Variants in MGAT4C observed in about 807,000 individuals in gnomAD.
The protein encoded by MGAT4C is MGAT4 family member C.
A neutral mutation model predicts 40.1 loss-of-function variants in MGAT4C; 19 were observed. That is an observed-to-expected ratio of 0.47 (90% CI 0.33 to 0.70). MGAT4C has a LOEUF of 0.70. Ranked by LOEUF, MGAT4C falls within the 30% of genes least tolerant of loss-of-function variation. MGAT4C has a pLI of 0.02. For synonymous variants in MGAT4C, 181 were observed against 187.1 expected (o/e 0.97, Z 0.27); for missense variants, 491 against 563.2 (o/e 0.87, Z 1.30).
rs1032216999 is a variant in MGAT4C, at chr12:86,815,671, T to A, written c.-262+22995A>T. Among the ~76,000 whole-genome samples, 8 of 151,474 alleles carry A rather than the reference T, an allele frequency of 5.3e-5. No individual in the cohort carries two copies. In the Admixed American group the frequency reaches 5.3e-4, roughly 10 times the overall value. Reference sequence around the variant, plus strand: ...ATTTATATTATATGATAGAATACTATGCAGCCATAAAAAGGAATGAATTAA... The same window carrying A: ...ATTTATATTATATGATAGAATACTAAGCAGCCATAAAAAGGAATGAATTAA... On this transcript the variant is annotated intron_variant, in intron 1 of 7. Coordinates refer to the MGAT4C transcript ENST00000548651.
intron 1 of MGAT4C, among the ~76,000 whole-genome samples, chr12:86,764,426 C>A (rs558510721): frequency 6.6e-6 from 1 of 152,096 alleles, no homozygotes; most frequent in South Asian, 2.1e-4. Context: ...GGCTCCACCT[C>A]TGGGGGCAGG....
intron 2 of MGAT4C, among the ~76,000 whole-genome samples, chr12:86,718,237 T>C (rs1423154026): frequency 1.3e-5 from 2 of 152,208 alleles, no homozygotes; most frequent in Non-Finnish European, 2.9e-5. Context: ...TATGTTTTTT[T>C]CTAAACAAAC....
At chr12:86,099,643 TA>T (rs764205569) in intron 1 of MGAT4C, among the ~76,000 whole-genome samples, 38 of 151,530 alleles carry the variant, frequency 2.5e-4, no homozygotes, top group Non-Finnish European at 3.9e-4. Flanking sequence ...TTTCTTTTCT[TA>T]AAGTAAGAAA....
chr12:86,302,584 G>C (rs78631810), intron 4 of MGAT4C, among the ~76,000 whole-genome samples: 1 of 149,914 alleles, frequency 6.7e-6, no homozygotes, highest in Admixed American at 6.6e-5. Context: ...ATACGCCAAC[G>C]TGCCCCACTA....
intron 1 of MGAT4C, among the ~76,000 whole-genome samples, chr12:86,785,775 T>C (rs1951920657): frequency 6.6e-6 from 1 of 151,350 alleles, no homozygotes; most frequent in Non-Finnish European, 1.5e-5. Context: ...TATATGTGTA[T>C]ATGTATAATA....
chr12:86,505,062 T>A (rs1163556502), intron 2 of MGAT4C, among the ~76,000 whole-genome samples: 1 of 152,186 alleles, frequency 6.6e-6, no homozygotes, highest in Non-Finnish European at 1.5e-5. Flanking sequence ...TTCCTTAGCA[T>A]CACTGTGGTT....
intron 1 of MGAT4C, among the ~76,000 whole-genome samples, chr12:86,159,566 C>T (rs1458869373): frequency 1.3e-5 from 2 of 151,810 alleles, no homozygotes; most frequent in African/African-American, 4.8e-5. Flanking sequence ...AGCCCCTCCT[C>T]CTCAACTTTT....
chr12:86,689,740 G>A (rs1287155479), intron 2 of MGAT4C, among the ~76,000 whole-genome samples: 1 of 152,126 alleles, frequency 6.6e-6, no homozygotes, highest in Non-Finnish European at 1.5e-5. Context: ...CCTGTAGGAG[G>A]TGTCTGTCGA....
intron 2 of MGAT4C, among the ~76,000 whole-genome samples, chr12:86,463,771 TCTTC>T (rs1353829650): frequency 6.6e-6 from 1 of 152,224 alleles, no homozygotes; most frequent in African/African-American, 2.4e-5. Context: ...TCTAATATAA[TCTTC>T]CTCTTATATT....
chr12:86,438,053 G>A (rs978497879), intron 2 of MGAT4C, among the ~76,000 whole-genome samples: 1 of 151,902 alleles, frequency 6.6e-6, no homozygotes, highest in African/African-American at 2.4e-5. Context: ...TAGTGAGGAA[G>A]GCATGTCAAA....
intron 1 of MGAT4C, among the ~76,000 whole-genome samples, chr12:86,756,282 C>A (rs1346572232): frequency 6.6e-6 from 1 of 152,080 alleles, no homozygotes; most frequent in Admixed American, 6.6e-5. Context: ...GGATAAAGTT[C>A]TCTGGTATCT....
intron 3 of MGAT4C, among the ~76,000 whole-genome samples, chr12:86,343,621 A>C (rs1954948729): frequency 6.6e-6 from 1 of 152,190 alleles, no homozygotes; most frequent in Admixed American, 6.5e-5. Flanking sequence ...ATTGTGTAAA[A>C]CCGAAAGACA....
chr12:86,446,557 C>A (rs1957337292), intron 2 of MGAT4C, among the ~76,000 whole-genome samples: 1 of 149,770 alleles, frequency 6.7e-6, no homozygotes, highest in Non-Finnish European at 1.5e-5. Context: ...TGCTTTTTTA[C>A]TCACTTTCTT....
intron 1 of MGAT4C, among the ~76,000 whole-genome samples, chr12:86,744,074 G>A (rs142444404): frequency 6.6e-6 from 1 of 151,654 alleles, no homozygotes; most frequent in African/African-American, 2.4e-5. Flanking sequence ...GAGGCAGTGG[G>A]AAGGAACATG....
At chr12:86,212,243 C>T (rs1371035874) in intron 1 of MGAT4C, among the ~76,000 whole-genome samples, 1 of 152,080 alleles carries the variant, frequency 6.6e-6, no homozygotes, top group Non-Finnish European at 1.5e-5. Flanking sequence ...TATGAAGCAA[C>T]CCTACTAACA....
intron 2 of MGAT4C, among the ~76,000 whole-genome samples, chr12:86,615,436 T>A (rs1477973087): frequency 6.6e-6 from 1 of 152,042 alleles, no homozygotes; most frequent in African/African-American, 2.4e-5. Context: ...AGCAAATATC[T>A]CTGAGGTGAT....
rs1471003235 is a variant in MGAT4C, at chr12:85,978,042, C to T, written c.*1247G>A. The T allele has an allele frequency of 2.0e-5, 3 of 151,506 alleles. No homozygotes were observed. The highest frequency in any genetic ancestry group is 7.3e-5 in the African/African-American group (3 of 41,364). 9.4% of individuals were successfully genotyped at this position (151,506 alleles called of 1,614,324 possible). Reference sequence around the variant, plus strand: ...CGGACACATTGTAAAGACACACTCTCCAATCCCTATTAGGAAAAGTTTAGT... The same window carrying T: ...CGGACACATTGTAAAGACACACTCTTCAATCCCTATTAGGAAAAGTTTAGT... On this transcript the variant is annotated 3_prime_UTR_variant, in exon 5 of 5. Coordinates refer to ENST00000611864, the MANE Select transcript of MGAT4C (RefSeq NM_001351288.2).
chr12:86,690,688 A>T (rs1950157382), intron 2 of MGAT4C, among the ~76,000 whole-genome samples: 1 of 152,028 alleles, frequency 6.6e-6, no homozygotes, highest in African/African-American at 2.4e-5. Flanking sequence ...AAATGCAGAA[A>T]TCACCCGCCT....
At chr12:86,500,204 T>C (rs940970314) in intron 2 of MGAT4C, among the ~76,000 whole-genome samples, 2 of 151,900 alleles carry the variant, frequency 1.3e-5, no homozygotes, top group Non-Finnish European at 2.9e-5. Context: ...CATATATGTG[T>C]ATTTATACAC....
Sources: gnomAD v4.1 joint callset for allele counts (sites outside exome capture counted in the v4.1 genomes callset) on GRCh38, gnomAD v4.1.1 for gene constraint, MANE v1.5 for transcripts, NCBI Gene and HGNC (gene_info 2026-07-23, HGNC 2026-07-21) for gene names.